VGLL4: variants seen among roughly 807,000 people sequenced by gnomAD.
VGLL4 encodes the protein transcription cofactor vestigial-like protein 4.
Under a neutral mutation model 21.0 loss-of-function variants are expected in VGLL4, and 7 were observed. The ratio of observed to expected loss-of-function variants is 0.33; its 90% CI spans 0.19 to 0.63. The LOEUF (loss-of-function observed/expected upper bound fraction) is 0.63, where lower values mean the gene tolerates loss of function less well. VGLL4 is among the 20% of genes least tolerant of loss of function. The pLI is 0.78. For missense variants in VGLL4, 394 were observed against 425.7 expected (o/e 0.93, Z 0.66); for synonymous variants, 222 against 173.2 (o/e 1.28, Z -2.21).
chr3:11,660,617 C>T (rs1386981106), intron 2 of VGLL4, among the ~76,000 whole-genome samples: 1 of 152,106 alleles, frequency 6.6e-6, no homozygotes, highest in South Asian at 2.1e-4. Flanking sequence ...TTTAGTTTTA[C>T]TTTGTAAGTT....
At chr3:11,687,463 TTTTG>T (rs1251682434) in intron 2 of VGLL4, among the ~76,000 whole-genome samples, 1 of 151,886 alleles carries the variant, frequency 6.6e-6, no homozygotes, top group Non-Finnish European at 1.5e-5. Context: ...TGGGAATGAG[TTTTG>T]TTTTTGTTTT....
intron 1 of VGLL4, among the ~76,000 whole-genome samples, chr3:11,602,571 GAAAT>G (rs1344092493): frequency 2.6e-5 from 4 of 152,210 alleles, no homozygotes; most frequent in African/African-American, 9.6e-5. Context: ...CGTTTAATGG[GAAAT>G]AAATGTTTAA....
At chr3:11,702,455 CAAAAAAAAAA>C (rs56189603) in intron 2 of VGLL4, among the ~76,000 whole-genome samples, 24 of 96,138 alleles carry the variant, frequency 2.5e-4, no homozygotes, top group African/African-American at 4.8e-4. Context: ...ACTAAAAATA[CAAAAAAAAAA>C]AAAAAAAAAA....
chr3:11,600,945 T>C (rs1249233626), intron 2 of VGLL4, among the ~76,000 whole-genome samples: 3 of 152,158 alleles, frequency 2.0e-5, no homozygotes, highest in Non-Finnish European at 4.4e-5. Context: ...ATTGGCAAGA[T>C]AACTCCAAGA....
intron 2 of VGLL4, among the ~76,000 whole-genome samples, chr3:11,670,160 C>T (rs532085152): frequency 2.0e-5 from 3 of 151,632 alleles, no homozygotes; most frequent in Non-Finnish European, 2.9e-5. Context: ...GATGGGCTAC[C>T]GTAAGTCTTC....
intron 2 of VGLL4, among the ~76,000 whole-genome samples, chr3:11,663,114 G>C (rs1379664678): frequency 6.6e-6 from 1 of 152,178 alleles, no homozygotes; most frequent in Admixed American, 6.5e-5. Context: ...CATGAGCCAG[G>C]AGTTTACTGA....
chr3:11,688,812 A>C (rs1051248015), intron 2 of VGLL4, among the ~76,000 whole-genome samples: 1 of 152,134 alleles, frequency 6.6e-6, no homozygotes, highest in Non-Finnish European at 1.5e-5. Flanking sequence ...TGAGGTCAGG[A>C]GTTCAAGACC....
intron 2 of VGLL4, among the ~76,000 whole-genome samples, chr3:11,685,500 TTTTC>T (rs1212874588): frequency 6.6e-6 from 1 of 152,180 alleles, no homozygotes; most frequent in Non-Finnish European, 1.5e-5. Flanking sequence ...CCTGGCCACA[TTTTC>T]TTTATGTAAT....
chr3:11,666,021 C>T (rs949535297), intron 2 of VGLL4, among the ~76,000 whole-genome samples: 10 of 151,970 alleles, frequency 6.6e-5, no homozygotes, highest in Admixed American at 2.6e-4. Context: ...GAGGCCGAGG[C>T]GGGCGGATCA....
At chr3:11,586,950 A>C (rs553644148) in intron 2 of VGLL4, among the ~76,000 whole-genome samples, 38 of 152,258 alleles carry the variant, frequency 2.5e-4, no homozygotes, top group Non-Finnish European at 4.8e-4. Context: ...TGGAGAATCC[A>C]AACTGCTTGC....
rs375769251 is a variant in VGLL4 at position 11,654,565 on chromosome 3, C to T, written c.64+48406G>A. On this transcript the variant is annotated intron_variant, in intron 2 of 5. Transcript: ENST00000273038. Reference sequence around the variant, plus strand: ...TTTACCTTATTAGCTTTGCAAAAGGCAGGCAAATAAAACGAGGTATGAGAA... The same window carrying T: ...TTTACCTTATTAGCTTTGCAAAAGGTAGGCAAATAAAACGAGGTATGAGAA... Among the ~76,000 whole-genome samples the T allele has an allele frequency of 3.9e-5, 6 of 152,284 alleles. No individual in the cohort carries two copies. In the South Asian group the frequency reaches 8.3e-4, roughly 21 times the overall value.
chr3:11,573,289 A>G (rs58647234), intron 2 of VGLL4, among the ~76,000 whole-genome samples: 10 of 11,350 alleles, frequency 8.8e-4, no homozygotes, highest in Non-Finnish European at 1.4e-3. Context: ...GAAAGAAAGA[A>G]AGAAAGAAAG....
intron 1 of VGLL4, among the ~76,000 whole-genome samples, chr3:11,615,192 C>T (rs2075138830): frequency 6.6e-6 from 1 of 152,222 alleles, no homozygotes; most frequent in South Asian, 2.1e-4. Context: ...CACATTCCAA[C>T]TTCCCGAACT....
chr3:11,679,091 C>CT (rs1559940623), intron 2 of VGLL4, among the ~76,000 whole-genome samples: 1 of 152,122 alleles, frequency 6.6e-6, no homozygotes, highest in African/African-American at 2.4e-5. Context: ...ATTTACTGTA[C>CT]TTTTTATCAC....
chr3:11,673,447 T>G (rs1401817815), intron 2 of VGLL4, among the ~76,000 whole-genome samples: 1 of 151,070 alleles, frequency 6.6e-6, no homozygotes. Context: ...GGGGGGGAAG[T>G]AGACTAGTCC....
At chr3:11,612,212 A>G (rs1309976544) in intron 1 of VGLL4, 1 of 152,190 alleles carries the variant, frequency 6.6e-6, no homozygotes, top group Non-Finnish European at 1.5e-5. Flanking sequence ...TATTCATTTA[A>G]TTAGGAAGTT....
intron 2 of VGLL4, among the ~76,000 whole-genome samples, chr3:11,694,099 C>T (rs1342089836): frequency 6.6e-6 from 1 of 152,120 alleles, no homozygotes; most frequent in East Asian, 1.9e-4. Flanking sequence ...AATTATAGTA[C>T]CTACTTAATA....
rs569930074 is a variant in VGLL4 at position 11,618,846 on chromosome 3, T to C, written c.83-16824A>G. 4.6e-5 allele frequency among the ~76,000 whole-genome samples: 7 copies of C among 152,274 alleles called. No individual in the cohort carries two copies. In the South Asian group the frequency reaches 6.2e-4, roughly 14 times the overall value. On this transcript the variant is annotated intron_variant, in intron 1 of 4. Coordinates refer to ENST00000430365, the MANE Select transcript of VGLL4 (RefSeq NM_001128219.3). ...TCCCCAAATTAATCAACCTAAAATA[T>C]TGGGGGATGGGGATGTTGCTTACTT...
chr3:11,647,988 A>T (rs2075817509), upstream of VGLL4, among the ~76,000 whole-genome samples: 3 of 66,698 alleles, frequency 4.5e-5, no homozygotes, highest in Admixed American at 3.9e-4. Context: ...CAGCTCATCC[A>T]TAAAAAAAAA....
Sources: allele counts gnomAD v4.1 joint callset (sites outside exome capture counted in the v4.1 genomes callset), GRCh38; gene constraint gnomAD v4.1.1; transcripts MANE v1.5; gene names NCBI Gene and HGNC (gene_info 2026-07-23, HGNC 2026-07-21).